Variants in BAHCC1 observed in about 807,000 individuals in gnomAD.
BAHCC1 encodes BAH domain and coiled-coil containing 1, also known as BAH and coiled-coil domain-containing protein 1.
A neutral mutation model predicts 88.2 loss-of-function variants in BAHCC1; 43 were observed. That is an observed-to-expected ratio of 0.49 (90% CI 0.38 to 0.63). The LOEUF (loss-of-function observed/expected upper bound fraction) is 0.63, where lower values mean the gene tolerates loss of function less well. Among genes scored for constraint, BAHCC1 ranks in the 20% least tolerant of loss-of-function variants. BAHCC1 has a pLI of 0.00. For synonymous variants in BAHCC1, 1,510 were observed against 745.5 expected, an observed-to-expected ratio of 2.03 and a Z score of -16.71; for missense variants, 3,023 against 1,654.8, an observed-to-expected ratio of 1.83 and a Z score of -14.34.
intron 2 of BAHCC1, among the ~76,000 whole-genome samples, chr17:81,419,901 C>T (rs1303746917): frequency 2.0e-5 from 3 of 151,308 alleles, no homozygotes; most frequent in Non-Finnish European, 4.4e-5. Flanking sequence ...GGCTCCGCGC[C>T]CGCCTCTCCC....
At position 81,461,412 on chromosome 17, in the gene BAHCC1, C is replaced by A; in HGVS notation, c.6749C>A (p.Ala2250Asp). The change falls in exon 26 of 28, where the codon GCC (alanine) becomes GAC (aspartate). Residue 2250 changes from alanine (A) to aspartate (D), a missense_variant. Physicochemically the swap from Ala to Asp is moderately radical, Grantham distance 126. Transcript: ENST00000675386. The part of the protein sequence containing the change: ...PLPSPSYVHP[A>D]LVGKDKKGRA... ...CCCAGCCCCAGCTATGTGCACCCGGCCCTTGTGGGCAAGGACAAGAAGGGG... is the reference window on the plus strand; with the variant it reads ...CCCAGCCCCAGCTATGTGCACCCGGACCTTGTGGGCAAGGACAAGAAGGGG... 1.4e-6 allele frequency: 1 copy of A among 724,644 alleles called. No homozygotes were observed. The highest frequency in any genetic ancestry group is 1.5e-5 in the South Asian group (1 of 66,922). The allele number at this position is 724,644 out of a possible 1,614,324, so 44.9% of individuals were successfully genotyped here. A position where few individuals can be genotyped will look rare whatever the true frequency, so the allele number is the denominator to read the frequency against.
chr17:81,428,387 C>T (rs957037044), intron 3 of BAHCC1, among the ~76,000 whole-genome samples: 93 of 152,296 alleles, frequency 6.1e-4, no homozygotes, highest in African/African-American at 2.1e-3. Flanking sequence ...GGGAGGCCTG[C>T]GGCAGCCGTG....
intron 11 of BAHCC1, among the ~76,000 whole-genome samples, chr17:81,448,760 G>A (rs1238107799): frequency 1.3e-5 from 2 of 152,184 alleles, no homozygotes; most frequent in Non-Finnish European, 2.9e-5. Flanking sequence ...TGGTTCCGCA[G>A]TGCTGGGAGC....
chr17:81,413,012 G>A, intron 2 of BAHCC1: 1 of 314,174 alleles, frequency 3.2e-6, no homozygotes, highest in Non-Finnish European at 6.8e-6. Context: ...GTGGGTGGGT[G>A]TCACTTCCTC....
chr17:81,428,296 C>T (rs1006224490), intron 3 of BAHCC1, among the ~76,000 whole-genome samples: 10 of 152,218 alleles, frequency 6.6e-5, no homozygotes, highest in Admixed American at 5.2e-4. Context: ...TGTGGGCAAA[C>T]GCCCCGGCCA....
At chr17:81,415,493 T>C (rs990471012) in intron 2 of BAHCC1, 3 of 509,246 alleles carry the variant, frequency 5.9e-6, no homozygotes, top group Non-Finnish European at 1.2e-5. Flanking sequence ...CCAAAAGCAG[T>C]TGGCTGGGAA....
intron 3 of BAHCC1, among the ~76,000 whole-genome samples, chr17:81,432,525 ACCCACCCTCCCACCCATCACCAGG>A (rs1277726800): frequency 4.2e-5 from 2 of 47,390 alleles, no homozygotes; most frequent in East Asian, 3.9e-4. Context: ...CCAGCCTCGG[ACCCACCCTCCCACCCATCACCAGG>A]CCCACCCTCC....
At chr17:81,448,345 A>G (rs2064572066) in intron 11 of BAHCC1, among the ~76,000 whole-genome samples, 1 of 152,014 alleles carries the variant, frequency 6.6e-6, no homozygotes, top group Non-Finnish European at 1.5e-5. Context: ...TGGGACTGGG[A>G]GCTCCTGGGC....
rs375521914 is a variant in BAHCC1 at position 81,443,834 on chromosome 17, C to T, written c.2241C>T (p.His747=). The part of the protein sequence containing the change: ...FKGGGGPRST[H]ALDLEAEEER... ...GTGGCGGTGGGCCCCGTTCCACACA[C>T]GCGCTGGACCTGGAGGCTGAGGAGG... Residue 747 remains histidine (H), a synonymous_variant, in exon 6 of 28, where the codon CAC becomes CAT. Transcript: ENST00000675386. 279 of 713,048 alleles carry T rather than the reference C, an allele frequency of 3.9e-4. No individual in the cohort carries two copies. Among genetic ancestry groups the T allele is most frequent in the Non-Finnish European group, 6.1e-4 (235 of 384,764 alleles). 44.2% of individuals were successfully genotyped at this position (713,048 alleles called of 1,614,324 possible).
At chr17:81,424,755 G>A (rs1215507985) in intron 2 of BAHCC1, among the ~76,000 whole-genome samples, 1 of 151,636 alleles carries the variant, frequency 6.6e-6, no homozygotes, top group African/African-American at 2.4e-5. Context: ...ATGTAGTTGG[G>A]GTGGTGTTGA....
At chr17:81,443,972 C>T (rs2064474179) in intron 6 of BAHCC1, 55 bp downstream of exon 6, 1 of 696,740 alleles carries the variant, frequency 1.4e-6, no homozygotes, top group Non-Finnish European at 2.6e-6. Flanking sequence ...GCTTGGGGCT[C>T]CCCACTCAGA....
intron 1 of BAHCC1, among the ~76,000 whole-genome samples, chr17:81,398,817 T>C (rs1253558645): frequency 6.6e-6 from 1 of 150,690 alleles, no homozygotes; most frequent in African/African-American, 2.5e-5. Context: ...CCTAGCGCGA[T>C]GCTGGGGACA....
intron 2 of BAHCC1, among the ~76,000 whole-genome samples, chr17:81,417,264 CG>C (rs1222058243): frequency 6.6e-6 from 1 of 152,130 alleles, no homozygotes; most frequent in African/African-American, 2.4e-5. Context: ...CATCCAGCTG[CG>C]GGGGGCGGCG....
Position 81,463,719 on chromosome 17 carries a change from A to G in BAHCC1, c.7729A>G (p.Lys2577Glu). 1.3e-6 allele frequency: 1 copy of G among 779,476 alleles called. No homozygotes were observed. The highest frequency in any genetic ancestry group is 2.4e-6 in the Non-Finnish European group (1 of 417,834). The allele number at this position is 779,476 out of a possible 1,614,324, so 48.3% of individuals were successfully genotyped here. A position where few individuals can be genotyped will look rare whatever the true frequency, so the allele number is the denominator to read the frequency against. Residue 2577 changes from lysine (K) to glutamate (E), a missense_variant, in exon 28 of 28, where the codon AAG (lysine) becomes GAG (glutamate). Lys to Glu is a moderately conservative substitution (Grantham distance 56). Transcript: ENST00000675386. ...GTATGAGCAGATGGCCCGGAGCCGC[A>G]AGTGCCAGGACCGGCAGGACCTCTA... ...EQYEQMARSR[K>E]CQDRQDLYYL...
At chr17:81,436,135 T>A (rs4969440) in intron 3 of BAHCC1, among the ~76,000 whole-genome samples, 1 of 151,244 alleles carries the variant, frequency 6.6e-6, no homozygotes, top group African/African-American at 2.4e-5. Context: ...CCCTCCTCCT[T>A]CCCTGGCTCC....
chr17:81,455,434 C>T (rs1555657053), intron 15 of BAHCC1, 44 bp downstream of exon 15: 1 of 706,364 alleles, frequency 1.4e-6, no homozygotes, highest in South Asian at 1.5e-5. Context: ...CCTTCAGGTC[C>T]CTTCAGGTCC....
chr17:81,410,589 C>T (rs970548954), intron 2 of BAHCC1, among the ~76,000 whole-genome samples: 38 of 151,954 alleles, frequency 2.5e-4, no homozygotes, highest in African/African-American at 9.2e-4. Context: ...CACCACGGGT[C>T]GAGGCACCAC....
intron 2 of BAHCC1, among the ~76,000 whole-genome samples, chr17:81,409,907 C>G (rs1295755221): frequency 1.3e-5 from 2 of 152,282 alleles, no homozygotes; most frequent in South Asian, 2.1e-4. Context: ...TCTTCAGGCC[C>G]GGGAGAGCAC....
At chr17:81,436,071 C>T (rs921428277) in intron 3 of BAHCC1, among the ~76,000 whole-genome samples, 8 of 152,100 alleles carry the variant, frequency 5.3e-5, no homozygotes, top group Non-Finnish European at 7.4e-5. Flanking sequence ...TGGGCCTCTC[C>T]GGCACCCAGC....
Sources: gnomAD v4.1 joint callset for allele counts (sites outside exome capture counted in the v4.1 genomes callset) on GRCh38, gnomAD v4.1.1 for gene constraint, MANE v1.5 for transcripts, NCBI Gene and HGNC (gene_info 2026-07-23, HGNC 2026-07-21) for gene names.